The following SPOCK3 variants were observed in gnomAD, a reference collection of about 807,000 sequenced individuals.
SPOCK3 encodes SPARC (osteonectin), cwcv and kazal like domains proteoglycan 3, also known as testican-3.
SPOCK3 carries 30 observed loss-of-function variants against 56.6 expected under a neutral mutation model. That is an observed-to-expected ratio of 0.53 (90% CI 0.40 to 0.72). SPOCK3 has a LOEUF of 0.72. Among genes scored for constraint, SPOCK3 ranks in the 30% least tolerant of loss-of-function variants. SPOCK3 has a pLI of 0.00. For synonymous variants in SPOCK3, 196 were observed against 183.3 expected, an observed-to-expected ratio of 1.07 and a Z score of -0.56; for missense variants, 527 against 530.0, an observed-to-expected ratio of 0.99 and a Z score of 0.06.
intron 5 of SPOCK3, among the ~76,000 whole-genome samples, chr4:166,901,720 A>C (rs966688116): frequency 2.0e-5 from 3 of 152,170 alleles, no homozygotes; most frequent in Non-Finnish European, 1.5e-5. Context: ...GGCAAAAGCC[A>C]CGTTGGATGT....
intron 7 of SPOCK3, among the ~76,000 whole-genome samples, chr4:166,783,244 A>G (rs1252907772): frequency 6.6e-6 from 1 of 152,134 alleles, no homozygotes; most frequent in Non-Finnish European, 1.5e-5. Context: ...CTGTAATCCC[A>G]GCTACTTGGG....
At chr4:166,952,781 A>G (rs951705294) in intron 4 of SPOCK3, among the ~76,000 whole-genome samples, 6 of 152,182 alleles carry the variant, frequency 3.9e-5, no homozygotes, top group Non-Finnish European at 8.8e-5. Flanking sequence ...ATGACGCCAC[A>G]TATCTACAAC....
At chr4:166,850,514 A>G (rs966526383) in intron 6 of SPOCK3, among the ~76,000 whole-genome samples, 3 of 152,234 alleles carry the variant, frequency 2.0e-5, no homozygotes, top group African/African-American at 7.2e-5. Flanking sequence ...CAGCGTGAGC[A>G]ACGCAGAAGA....
chr4:167,174,353 G>A (rs1422106794), intron 2 of SPOCK3, among the ~76,000 whole-genome samples: 1 of 151,618 alleles, frequency 6.6e-6, no homozygotes, highest in Non-Finnish European at 1.5e-5. Flanking sequence ...TGCATTTTAA[G>A]GGTACATTTT....
At chr4:166,992,359 C>CTATGTATAA (rs1256282573) in intron 4 of SPOCK3, among the ~76,000 whole-genome samples, 1 of 152,064 alleles carries the variant, frequency 6.6e-6, no homozygotes, top group Non-Finnish European at 1.5e-5. Flanking sequence ...CTGACATCAC[C>CTATGTATAA]TATGTATAAT....
intron 3 of SPOCK3, among the ~76,000 whole-genome samples, chr4:167,056,048 AC>A (rs1331577281): frequency 2.6e-5 from 4 of 152,108 alleles, no homozygotes; most frequent in Non-Finnish European, 4.4e-5. Flanking sequence ...ACTGGGAGGC[AC>A]CCCCCAGTAG....
chr4:166,779,333 A>G (rs1208769160), intron 7 of SPOCK3, among the ~76,000 whole-genome samples: 1 of 152,180 alleles, frequency 6.6e-6, no homozygotes, highest in African/African-American at 2.4e-5. Flanking sequence ...GAGGTGATCC[A>G]GTTGTTGGGA....
intron 2 of SPOCK3, among the ~76,000 whole-genome samples, chr4:167,111,795 T>C (rs568787958): frequency 1.1e-4 from 17 of 152,100 alleles, no homozygotes; most frequent in Admixed American, 4.6e-4. Flanking sequence ...TCTTGCACTG[T>C]TGCCCAGGCT....
chr4:167,103,412 A>G (rs1759827008), intron 2 of SPOCK3, among the ~76,000 whole-genome samples: 1 of 152,058 alleles, frequency 6.6e-6, no homozygotes, highest in Non-Finnish European at 1.5e-5. Flanking sequence ...CATTTACCAT[A>G]AGCTCGCTGA....
intron 6 of SPOCK3, among the ~76,000 whole-genome samples, chr4:166,800,873 A>G (rs1742514858): frequency 6.6e-6 from 1 of 152,196 alleles, no homozygotes; most frequent in Non-Finnish European, 1.5e-5. Context: ...CCACTCACTC[A>G]GTGACACCCA....
chr4:167,063,995 T>C (rs1207718196), intron 2 of SPOCK3, among the ~76,000 whole-genome samples: 2 of 151,950 alleles, frequency 1.3e-5, no homozygotes, highest in South Asian at 2.1e-4. Context: ...TTTTATATAA[T>C]GACTTATCTT....
intron 4 of SPOCK3, among the ~76,000 whole-genome samples, chr4:166,949,701 G>T (rs1040606922): frequency 6.6e-6 from 1 of 152,110 alleles, no homozygotes; most frequent in African/African-American, 2.4e-5. Flanking sequence ...TCCTCTGGAA[G>T]TTTCGTCTCA....
intron 2 of SPOCK3, among the ~76,000 whole-genome samples, chr4:167,140,609 A>G (rs1175864312): frequency 6.6e-6 from 1 of 152,032 alleles, no homozygotes; most frequent in Non-Finnish European, 1.5e-5. Flanking sequence ...AGTTGTCACC[A>G]CAACCAGACA....
intron 3 of SPOCK3, among the ~76,000 whole-genome samples, chr4:167,042,597 T>A (rs1753327981): frequency 1.3e-5 from 2 of 152,078 alleles, no homozygotes; most frequent in Non-Finnish European, 2.9e-5. Context: ...ATGTCTTAAA[T>A]TTGTGTGTGG....
chr4:166,844,247 A>G (rs1362504492), intron 6 of SPOCK3, among the ~76,000 whole-genome samples: 1 of 152,208 alleles, frequency 6.6e-6, no homozygotes, highest in Non-Finnish European at 1.5e-5. Flanking sequence ...CTCGACTTAT[A>G]TTAACCACTT....
At chr4:167,111,598 A>G (rs997414480) in intron 2 of SPOCK3, among the ~76,000 whole-genome samples, 7 of 152,152 alleles carry the variant, frequency 4.6e-5, no homozygotes, top group African/African-American at 1.7e-4. Flanking sequence ...AATTCATCCT[A>G]ATGTGCGAAT....
intron 3 of SPOCK3, among the ~76,000 whole-genome samples, chr4:167,039,086 C>G (rs1037387331): frequency 1.3e-5 from 2 of 152,152 alleles, no homozygotes; most frequent in Admixed American, 1.3e-4. Context: ...AAGAGACGCT[C>G]TAGTCCATGC....
intron 6 of SPOCK3, among the ~76,000 whole-genome samples, chr4:166,856,952 G>C (rs1038611706): frequency 8.6e-5 from 13 of 151,926 alleles, no homozygotes; most frequent in African/African-American, 2.7e-4. Flanking sequence ...TTTTTCTTTG[G>C]CAGTTTGATT....
intron 2 of SPOCK3, among the ~76,000 whole-genome samples, chr4:167,211,613 GA>G (rs1734881925): frequency 6.6e-6 from 1 of 152,108 alleles, no homozygotes; most frequent in Non-Finnish European, 1.5e-5. Flanking sequence ...TTTAAAAAGG[GA>G]AGTTTCCATG....
Sources: allele counts gnomAD v4.1 joint callset (sites outside exome capture counted in the v4.1 genomes callset), GRCh38; gene constraint gnomAD v4.1.1; transcripts MANE v1.5; gene names NCBI Gene and HGNC (gene_info 2026-07-23, HGNC 2026-07-21).